Variants in PALB2 observed in about 807,000 individuals in gnomAD.
PALB2 encodes the protein mutant partner and localizer of BRCA2.
In PALB2, 82 loss-of-function variants were observed where a neutral mutation model predicts 107.4. That is an observed-to-expected ratio of 0.76 (90% CI 0.64 to 0.92). PALB2 has a LOEUF of 0.92. Among genes scored for constraint, PALB2 ranks in the 40% least tolerant of loss-of-function variants. PALB2 has a pLI of 0.00. For missense variants in PALB2, 1,374 were observed against 1,379.9 expected (o/e 1.00, Z 0.07); for synonymous variants, 489 against 496.8 (o/e 0.98, Z 0.21).
intron 4 of PALB2, among the ~76,000 whole-genome samples, chr16:23,630,922 C>T (rs989578786): frequency 6.6e-6 from 1 of 151,458 alleles, no homozygotes; most frequent in Non-Finnish European, 1.5e-5. Context: ...CCAGCCTGGG[C>T]AACACAGTGA....
chr16:23,607,229 T>C (rs1966492685), intron 12 of PALB2: 1 of 152,246 alleles, frequency 6.6e-6, no homozygotes, highest in Admixed American at 6.6e-5. Flanking sequence ...AATTTAGGTT[T>C]AGGGAAAGAA....
chr16:23,626,685 A>C (rs1174604168), intron 6 of PALB2, among the ~76,000 whole-genome samples: 1 of 152,072 alleles, frequency 6.6e-6, no homozygotes, highest in African/African-American at 2.4e-5. Context: ...GCAGTGGTGC[A>C]ATCTCGGCTT....
rs1302088447 is a variant in PALB2 at position 23,641,152 on chromosome 16, G to A, written c.6C>T (p.Asp2=). ...AGCTGAGGGGCTTCCCGGGAGGCTCGTCCATCGGGCAGGCGACAGAACGAA... is the reference window on the plus strand; with the variant it reads ...AGCTGAGGGGCTTCCCGGGAGGCTCATCCATCGGGCAGGCGACAGAACGAA... The part of the protein sequence containing the change: M[D]EPPGKPLSCE... Residue 2 remains aspartate (D), a synonymous_variant, in exon 1 of 13, where the codon GAC becomes GAT. Transcript: ENST00000261584. 1.2e-6 allele frequency: 2 copies of A among 1,613,008 alleles called. No individual in the cohort carries two copies. Among genetic ancestry groups the A allele is most frequent in the Admixed American group, 1.7e-5 (1 of 59,958 alleles).
At chr16:23,612,376 A>AG (rs1268186195) in intron 11 of PALB2, among the ~76,000 whole-genome samples, 1 of 151,496 alleles carries the variant, frequency 6.6e-6, no homozygotes, top group Non-Finnish European at 1.5e-5. Context: ...CTGACATGAC[A>AG]TCTGGCTAAT....
At position 23,641,301 on chromosome 16, in the gene PALB2, C is replaced by T. The variant is rs1486244080; in HGVS notation, c.-144G>A. 8.6e-7 allele frequency: 1 copy of T among 1,158,030 alleles called. No homozygotes were observed. The highest frequency in any genetic ancestry group is 1.5e-5 in the African/African-American group (1 of 65,090). 71.7% of individuals were successfully genotyped at this position (1,158,030 alleles called of 1,614,324 possible). A position where few individuals can be genotyped will look rare whatever the true frequency, so the allele number is the denominator to read the frequency against. On this transcript the variant is annotated 5_prime_UTR_variant, in exon 1 of 13. Transcript: ENST00000261584. ...CACCCTCAGTGCGCGATCAGCTGAC[C>T]CACGCGGGCCAAGCGCGCCCTAAAC...
chr16:23,614,041 T>C lies in PALB2; in HGVS notation c.3164A>G (p.Tyr1055Cys), dbSNP rs1297371446. ...LLKKMHIDDS[Y>C]QASVCHKAYS... ...GGCTTTGTGACAGACTGAAGCTTGG[T>C]AAGAATCATCAATGTGCATCTTTTT... is the stretch of plus-strand genomic sequence containing the variant. The change falls in exon 11 of 13, where the codon TAC (tyrosine) becomes TGC (cysteine). Residue 1055 changes from tyrosine to cysteine, a missense_variant. Tyr to Cys is a radical substitution (Grantham distance 194). Coordinates refer to ENST00000261584, the MANE Select transcript of PALB2 (RefSeq NM_024675.4). 6.2e-7 allele frequency: 1 copy of C among 1,613,720 alleles called. No homozygotes were observed. Among genetic ancestry groups the C allele is most frequent in the Non-Finnish European group, 8.5e-7 (1 of 1,179,782 alleles).
At chr16:23,606,839 T>TTTTTTTTTGG (rs1597065493) in intron 12 of PALB2, among the ~76,000 whole-genome samples, 1 of 145,510 alleles carries the variant, frequency 6.9e-6, no homozygotes, top group African/African-American at 2.6e-5. Context: ...TTTTTTTTTT[T>TTTTTTTTTGG]GAGACGGAGT....
intron 10 of PALB2, among the ~76,000 whole-genome samples, chr16:23,616,172 C>A (rs1966681446): frequency 6.6e-6 from 1 of 152,172 alleles, no homozygotes; most frequent in South Asian, 2.1e-4. Flanking sequence ...AATTCCCATC[C>A]ATTTCTTAGG....
chr16:23,627,359 C>T (rs934805688), intron 6 of PALB2, among the ~76,000 whole-genome samples: 1 of 151,464 alleles, frequency 6.6e-6, no homozygotes, highest in Non-Finnish European at 1.5e-5. Flanking sequence ...CGGTGGCGGG[C>T]GCCTGTAGTC....
chr16:23,621,266 T>C (rs191112465), intron 10 of PALB2, 96 bp downstream of exon 10: 5 of 852,416 alleles, frequency 5.9e-6, no homozygotes, highest in African/African-American at 5.0e-5. Flanking sequence ...TGTTTACACA[T>C]ACTCTCTTAT....
chr16:23,605,118 G>C (rs1432122192), intron 12 of PALB2, among the ~76,000 whole-genome samples: 2 of 152,088 alleles, frequency 1.3e-5, no homozygotes, highest in Non-Finnish European at 2.9e-5. Context: ...TGTATCACTG[G>C]TGCCTGAGGC....
At chr16:23,625,064 A>G (rs1966839342) in intron 7 of PALB2, among the ~76,000 whole-genome samples, 1 of 152,000 alleles carries the variant, frequency 6.6e-6, no homozygotes, top group African/African-American at 2.4e-5. Context: ...CTGGGTGTAG[A>G]GCTCATGCCT....
At chr16:23,617,534 A>G (rs374338908) in intron 10 of PALB2, 72 of 151,898 alleles carry the variant, frequency 4.7e-4, no homozygotes, top group Middle Eastern at 3.4e-3. Context: ...AGTCTAGGCA[A>G]CATGGGAAGA....
Position 23,634,935 on chromosome 16 carries a change from C to T in PALB2, c.1611G>A (p.Ser537=), listed in dbSNP as rs730881874. 22 of 1,613,986 alleles carry T rather than the reference C, an allele frequency of 1.4e-5. No homozygotes were observed. Among genetic ancestry groups the T allele is most frequent in the Non-Finnish European group, 1.6e-5 (19 of 1,180,024 alleles). Residue 537 remains serine (S), a synonymous_variant, in exon 4 of 13, where the codon TCG becomes TCA. Transcript: ENST00000261584. ...CEPLLPTSSL[S]IVNRSKEEVT... The stretch of plus-strand genomic sequence containing the variant: ...CTTCTTCCTTGGACCTGTTAACAAT[C>T]GACAGGCTAGAAGTTGGCAAAAGTG...
Position 23,607,954 on chromosome 16 carries a change from C to A in PALB2, c.3260G>T (p.Ser1087Ile), listed in dbSNP as rs863224786. The change falls in exon 12 of 13, where the codon AGC (serine) becomes ATC (isoleucine). Residue 1087 changes from serine (S) to isoleucine (I), a missense_variant. By Grantham distance (142) the Ser-to-Ile change is moderately radical. Coordinates refer to ENST00000261584, the MANE Select transcript of PALB2 (RefSeq NM_024675.4). Reference sequence around the variant, plus strand: ...AATCACAATGAGCTGAAACACAGGGCTTCGCAACGACTCACTCTCTTTGGC... The same window carrying A: ...AATCACAATGAGCTGAAACACAGGGATTCGCAACGACTCACTCTCTTTGGC... ...PCAKESESLR[S>I]PVFQLIVINP... The A allele has an allele frequency of 6.2e-7, 1 of 1,614,086 alleles. No individual in the cohort carries two copies. Among genetic ancestry groups the A allele is most frequent in the Non-Finnish European group, 8.5e-7 (1 of 1,179,982 alleles).
chr16:23,633,948 A>G (rs1567220106), intron 4 of PALB2, among the ~76,000 whole-genome samples: 1 of 152,124 alleles, frequency 6.6e-6, no homozygotes, highest in African/African-American at 2.4e-5. Context: ...GGCTCAAGCA[A>G]TCCTCCCACC....
At chr16:23,639,408 C>T (rs1274664805) in intron 1 of PALB2, among the ~76,000 whole-genome samples, 1 of 150,592 alleles carries the variant, frequency 6.6e-6, no homozygotes, top group East Asian at 2.0e-4. Context: ...TGGTGGGTGC[C>T]TGTAGGAGGC....
chr16:23,617,954 C>T (rs912306673), intron 10 of PALB2: 2 of 151,966 alleles, frequency 1.3e-5, no homozygotes, highest in Admixed American at 6.6e-5. Flanking sequence ...TCCAAAAGTT[C>T]AAGACCAGCC....
intron 9 of PALB2, among the ~76,000 whole-genome samples, 153 bp from the exon 10 acceptor site, chr16:23,621,631 A>G (rs539389136): frequency 6.6e-6 from 1 of 152,238 alleles, no homozygotes; most frequent in Non-Finnish European, 1.5e-5. Context: ...ACTTTCTACA[A>G]TGAACATATA....
Sources: gnomAD v4.1 joint callset for allele counts (sites outside exome capture counted in the v4.1 genomes callset) on GRCh38, gnomAD v4.1.1 for gene constraint, MANE v1.5 for transcripts, NCBI Gene and HGNC (gene_info 2026-07-23, HGNC 2026-07-21) for gene names.